Variants in KAZN observed in about 807,000 individuals in gnomAD.
KAZN encodes the protein kazrin.
A neutral mutation model predicts 87.4 loss-of-function variants in KAZN; 40 were observed. The observed-to-expected ratio is 0.46, with a 90% CI of 0.36 to 0.60. The LOEUF (loss-of-function observed/expected upper bound fraction) is 0.60. KAZN is among the 20% of genes least tolerant of loss of function. The pLI, the probability that KAZN is intolerant of heterozygous loss-of-function variation, is 0.00. For missense variants in KAZN, 898 were observed against 1,073.9 expected (o/e 0.84, Z 2.29); for synonymous variants, 466 against 458.3 (o/e 1.02, Z -0.22).
chr1:14,176,815 A>G (rs1156590219), intron 1 of KAZN, among the ~76,000 whole-genome samples: 1 of 152,192 alleles, frequency 6.6e-6, no homozygotes, highest in African/African-American at 2.4e-5. Context: ...TACGATATCC[A>G]TCTTTAACAC....
intron 1 of KAZN, among the ~76,000 whole-genome samples, chr1:14,677,467 C>G (rs1351829015): frequency 2.0e-5 from 3 of 152,100 alleles, no homozygotes; most frequent in Non-Finnish European, 4.4e-5. Flanking sequence ...ACCCATGAGA[C>G]TAGCCAGTGG....
chr1:14,806,005 A>G lies in KAZN; in HGVS notation c.227-154679A>G, dbSNP rs1356985053. Among the ~76,000 whole-genome samples, 39 of 152,150 alleles carry G rather than the reference A, an allele frequency of 2.6e-4. 1 individual carries two copies. Among genetic ancestry groups the G allele is most frequent in the Admixed American group, 2.5e-3 (38 of 15,278 alleles). ...GTGGATGGTAAAGGTTGCTTTTAGA[A>G]TTCTTCCTCTTAGGAGGAACAGGCA... On this transcript the variant is annotated intron_variant, in intron 1 of 14. Transcript: ENST00000376030.
intron 2 of KAZN, among the ~76,000 whole-genome samples, chr1:15,030,537 A>G (rs1671590554): frequency 6.6e-6 from 1 of 152,204 alleles, no homozygotes; most frequent in Admixed American, 6.5e-5. Flanking sequence ...CTGGGATTAC[A>G]GGCCTGAGCC....
intron 2 of KAZN, among the ~76,000 whole-genome samples, chr1:14,987,650 GCT>G (rs1396740986): frequency 6.6e-6 from 1 of 152,194 alleles, no homozygotes; most frequent in Non-Finnish European, 1.5e-5. Flanking sequence ...AGCCATTGTA[GCT>G]GGAAAGTGAA....
At chr1:14,875,741 C>T (rs1368582363) in intron 1 of KAZN, among the ~76,000 whole-genome samples, 1 of 152,204 alleles carries the variant, frequency 6.6e-6, no homozygotes, top group African/African-American at 2.4e-5. Context: ...GACTACAAAT[C>T]AGGGCTCCTT....
intron 1 of KAZN, among the ~76,000 whole-genome samples, chr1:14,889,373 G>A (rs1182119815): frequency 6.6e-6 from 1 of 152,198 alleles, no homozygotes; most frequent in East Asian, 1.9e-4. Flanking sequence ...GTCACCTAAT[G>A]GAAAGTATAA....
At position 14,377,180 on chromosome 1, in the gene KAZN, TAA is replaced by T. The variant is rs370839378; in HGVS notation, c.249+196589_249+196590del. On this transcript the variant is annotated intron_variant, in intron 2 of 16. Transcript: ENST00000636203. ...TTCTAAGTTGGCTAGCTGCTCAGTATAATATAGACATTACAAAATAACATGAG... is the reference window on the plus strand; with the variant it reads ...TTCTAAGTTGGCTAGCTGCTCAGTATTATAGACATTACAAAATAACATGAG... Among the ~76,000 whole-genome samples, 293 of 152,342 alleles carry T rather than the reference TAA, an allele frequency of 1.9e-3. 1 individual carries two copies. The highest frequency in any genetic ancestry group is 6.3e-3 in the African/African-American group (260 of 41,582).
intron 2 of KAZN, among the ~76,000 whole-genome samples, chr1:14,234,994 A>T (rs571931165): frequency 6.6e-6 from 1 of 152,348 alleles, no homozygotes; most frequent in South Asian, 2.1e-4. Flanking sequence ...GAAAATGTTA[A>T]ATAGCTAGTT....
chr1:14,689,457 AC>A (rs1429928936), intron 1 of KAZN, among the ~76,000 whole-genome samples: 1 of 152,028 alleles, frequency 6.6e-6, no homozygotes, highest in Non-Finnish European at 1.5e-5. Context: ...GGGTGGAAAT[AC>A]CCTCTAGCCC....
intron 10 of KAZN, among the ~76,000 whole-genome samples, chr1:15,095,832 A>G (rs1411775152): frequency 6.6e-6 from 1 of 152,138 alleles, no homozygotes; most frequent in East Asian, 1.9e-4. Context: ...AAGCAGGAAA[A>G]CCAAATCCAT....
chr1:14,912,300 GA>G (rs1657340384), intron 1 of KAZN, among the ~76,000 whole-genome samples: 1 of 152,152 alleles, frequency 6.6e-6, no homozygotes, highest in Admixed American at 6.5e-5. Flanking sequence ...TGAGATAACA[GA>G]CAGAAAGATG....
At chr1:14,432,631 G>A (rs1168744843) in intron 2 of KAZN, among the ~76,000 whole-genome samples, 1 of 151,986 alleles carries the variant, frequency 6.6e-6, no homozygotes, top group Non-Finnish European at 1.5e-5. Flanking sequence ...GTATACATGT[G>A]CCATGGTGGT....
intron 2 of KAZN, among the ~76,000 whole-genome samples, chr1:14,338,737 T>C (rs2100898987): frequency 6.6e-6 from 1 of 152,338 alleles, no homozygotes; most frequent in South Asian, 2.1e-4. Context: ...CACCAAGGTC[T>C]TCTGTTGGTG....
At chr1:14,456,801 C>T (rs1177874057) in intron 2 of KAZN, among the ~76,000 whole-genome samples, 2 of 152,070 alleles carry the variant, frequency 1.3e-5, no homozygotes, top group East Asian at 1.9e-4. Context: ...AATATGCAGC[C>T]GGGTGTGGTG....
chr1:13,977,625 G>A (rs192462532), intron 1 of KAZN, among the ~76,000 whole-genome samples: 4 of 152,284 alleles, frequency 2.6e-5, no homozygotes, highest in African/African-American at 7.2e-5. Flanking sequence ...TCTTTGCAGG[G>A]TATTGCTGAT....
chr1:15,058,988 C>G (rs1273183507), intron 5 of KAZN, among the ~76,000 whole-genome samples: 2 of 151,952 alleles, frequency 1.3e-5, no homozygotes, highest in Non-Finnish European at 2.9e-5. Context: ...CACCACTGCA[C>G]TCCAGCCTGG....
chr1:15,006,633 G>T (rs898141175), intron 2 of KAZN, among the ~76,000 whole-genome samples: 1 of 152,214 alleles, frequency 6.6e-6, no homozygotes, highest in Non-Finnish European at 1.5e-5. Context: ...GGATACAGCA[G>T]TTGACAAAAC....
intron 1 of KAZN, among the ~76,000 whole-genome samples, chr1:14,724,822 A>G (rs1305466708): frequency 1.3e-5 from 2 of 152,168 alleles, no homozygotes; most frequent in Admixed American, 6.5e-5. Context: ...TGGTTTTTCA[A>G]TTACTTCACA....
rs558121405 is a variant in KAZN, at chr1:14,419,735, C to G, written c.250-179248C>G. Among the ~76,000 whole-genome samples, 3 of 152,032 alleles carry G rather than the reference C, an allele frequency of 2.0e-5. No homozygotes were observed. The East Asian group carries it at 5.8e-4, about 29-fold the overall frequency. On this transcript the variant is annotated intron_variant, in intron 2 of 16. Coordinates refer to the KAZN transcript ENST00000636203. ...TGAAGCCGCAGACCTCCGCGGTGAG[C>G]GTTAGGACTCTTAAGGCGGTGCGTC...
Sources: allele counts gnomAD v4.1 joint callset (sites outside exome capture counted in the v4.1 genomes callset), GRCh38; gene constraint gnomAD v4.1.1; transcripts MANE v1.5; gene names NCBI Gene and HGNC (gene_info 2026-07-23, HGNC 2026-07-21).